Variants in SPOCK1 observed in about 807,000 individuals in gnomAD.
SPOCK1 encodes SPARC (osteonectin), cwcv and kazal like domains proteoglycan 1.
SPOCK1 carries 23 observed loss-of-function variants against 55.3 expected under a neutral mutation model. That is an observed-to-expected ratio of 0.42 (90% CI 0.30 to 0.59). The LOEUF is 0.59. SPOCK1 is among the 20% of genes least tolerant of loss of function. The probability of loss-of-function intolerance (pLI) is 0.22; values close to 1 mark genes in which losing one functional copy is unlikely to be tolerated. For synonymous variants in SPOCK1, 226 were observed against 221.0 expected (o/e 1.02, Z -0.20); for missense variants, 499 against 552.5 (o/e 0.90, Z 0.97).
At chr5:137,127,539 G>T (rs1184341645) in intron 4 of SPOCK1, among the ~76,000 whole-genome samples, 1 of 152,260 alleles carries the variant, frequency 6.6e-6, no homozygotes, top group African/African-American at 2.4e-5. Flanking sequence ...CCCTACCCCA[G>T]TGGGTCTGGA....
intron 7 of SPOCK1, 117 bp from the exon 8 acceptor site, chr5:136,988,760 C>CTGTT: frequency 1.2e-6 from 1 of 827,024 alleles, no homozygotes; most frequent in Non-Finnish European, 1.8e-6. Context: ...CTTCCTGAGG[C>CTGTT]TGTTTCCTTC....
At chr5:137,293,754 C>T (rs530648452) in intron 2 of SPOCK1, among the ~76,000 whole-genome samples, 11 of 152,348 alleles carry the variant, frequency 7.2e-5, no homozygotes, top group Admixed American at 5.2e-4. Flanking sequence ...TGGTGGCTCA[C>T]GCCTGTAATC....
At chr5:137,278,904 A>T (rs1258628634) in intron 2 of SPOCK1, among the ~76,000 whole-genome samples, 1 of 152,110 alleles carries the variant, frequency 6.6e-6, no homozygotes, top group Non-Finnish European at 1.5e-5. Flanking sequence ...TCCTAACCCC[A>T]CTATTGAGGA....
At chr5:137,261,736 T>A (rs1360243522) in intron 3 of SPOCK1, among the ~76,000 whole-genome samples, 1 of 152,214 alleles carries the variant, frequency 6.6e-6, no homozygotes, top group African/African-American at 2.4e-5. Context: ...TCTATACACT[T>A]TATCTAAAGC....
chr5:137,128,989 G>T (rs1489999107), intron 4 of SPOCK1, among the ~76,000 whole-genome samples: 1 of 152,152 alleles, frequency 6.6e-6, no homozygotes, highest in South Asian at 2.1e-4. Context: ...TGGTACAAAA[G>T]TCTGCTTTAA....
intron 4 of SPOCK1, among the ~76,000 whole-genome samples, chr5:137,113,473 A>G (rs1256043445): frequency 6.6e-6 from 1 of 152,220 alleles, no homozygotes; most frequent in East Asian, 1.9e-4. Context: ...GCCTTCCTGC[A>G]TGATGATTAG....
At position 136,978,334 on chromosome 5, in the gene SPOCK1, T is replaced by C; in HGVS notation, c.*320A>G. 2.9e-6 allele frequency: 1 copy of C among 345,132 alleles called. No homozygotes were observed. Among genetic ancestry groups the C allele is most frequent in the Non-Finnish European group, 5.2e-6 (1 of 192,772 alleles). The allele number at this position is 345,132 out of a possible 1,614,324, so 21.4% of individuals were successfully genotyped here. On this transcript the variant is annotated 3_prime_UTR_variant, in exon 11 of 11. Coordinates refer to ENST00000394945, the MANE Select transcript of SPOCK1 (RefSeq NM_004598.4). The stretch of plus-strand genomic sequence containing the variant: ...GACATTTAAGAGGGTTGGGGCTCCC[T>C]GCACTGTCAGAATTCCACGTAAATC...
chr5:137,404,224 T>G (rs1409137487), intron 2 of SPOCK1, among the ~76,000 whole-genome samples: 1 of 152,120 alleles, frequency 6.6e-6, no homozygotes, highest in Non-Finnish European at 1.5e-5. Flanking sequence ...GCACGGCAAG[T>G]GCACACCAGC....
intron 2 of SPOCK1, among the ~76,000 whole-genome samples, chr5:137,271,458 C>G (rs1529816): frequency 0.68 from 102,422 of 150,612 alleles, 35,363 homozygotes; most frequent in African/African-American, 0.77. Flanking sequence ...TATGCCAAGA[C>G]CACTCCACTC....
Position 137,465,659 on chromosome 5 carries a change from G to A in SPOCK1, c.186+32714C>T, listed in dbSNP as rs987318189. Among the ~76,000 whole-genome samples, 5 of 152,220 alleles carry A rather than the reference G, an allele frequency of 3.3e-5. 1 individual carries two copies. Among genetic ancestry groups the A allele is most frequent in the Admixed American group, 3.3e-4 (5 of 15,268 alleles). On this transcript the variant is annotated intron_variant, in intron 2 of 10. Coordinates refer to ENST00000394945, the MANE Select transcript of SPOCK1 (RefSeq NM_004598.4). ...CAACACTTATTTGCAATCTGTGTCT[G>A]TATATGCCAGGTTATTTGGCAATCA...
intron 8 of SPOCK1, among the ~76,000 whole-genome samples, chr5:136,987,470 T>C (rs1049636549): frequency 6.6e-6 from 1 of 152,176 alleles, no homozygotes; most frequent in Non-Finnish European, 1.5e-5. Flanking sequence ...GGTATTCTCA[T>C]ATATCTTTGG....
At chr5:137,211,528 C>T (rs138303403) in intron 3 of SPOCK1, among the ~76,000 whole-genome samples, 1 of 152,320 alleles carries the variant, frequency 6.6e-6, no homozygotes, top group East Asian at 1.9e-4. Context: ...TGGCTTCTAG[C>T]AGGCAGTTCC....
intron 10 of SPOCK1, 30 bp from the exon 11 acceptor site, chr5:136,978,874 G>A: frequency 1.3e-6 from 2 of 1,584,460 alleles, no homozygotes; most frequent in Non-Finnish European, 1.7e-6. Context: ...ATTGAGGTTA[G>A]TTTCCACTTA....
At chr5:137,429,598 C>T (rs1005348504) in intron 2 of SPOCK1, among the ~76,000 whole-genome samples, 1 of 152,214 alleles carries the variant, frequency 6.6e-6, no homozygotes, top group Non-Finnish European at 1.5e-5. Flanking sequence ...TTAGCACATT[C>T]AGCATGCCCA....
chr5:137,187,245 G>T (rs1335521103), intron 3 of SPOCK1, among the ~76,000 whole-genome samples: 1 of 152,118 alleles, frequency 6.6e-6, no homozygotes, highest in Non-Finnish European at 1.5e-5. Context: ...CTGAGCTCCA[G>T]GCTCATCTGT....
At chr5:137,438,961 G>C (rs1252831529) in intron 2 of SPOCK1, among the ~76,000 whole-genome samples, 3 of 152,222 alleles carry the variant, frequency 2.0e-5, no homozygotes, top group Non-Finnish European at 2.9e-5. Flanking sequence ...TGACTTAAGA[G>C]GGTGCAATGC....
chr5:137,108,480 C>T (rs1753407280), intron 5 of SPOCK1, among the ~76,000 whole-genome samples: 1 of 152,132 alleles, frequency 6.6e-6, no homozygotes, highest in African/African-American at 2.4e-5. Flanking sequence ...CAGCAGTGCC[C>T]CTCCCACCAC....
chr5:137,024,322 G>GGGGT (rs1554093492), intron 6 of SPOCK1, among the ~76,000 whole-genome samples: 1 of 144,312 alleles, frequency 6.9e-6, no homozygotes, highest in South Asian at 2.4e-4. Context: ...GAAGGGGGGG[G>GGGGT]GGTAGTTACA....
intron 4 of SPOCK1, among the ~76,000 whole-genome samples, chr5:137,130,695 T>G (rs541286422): frequency 6.6e-6 from 1 of 152,374 alleles, no homozygotes; most frequent in East Asian, 1.9e-4. Context: ...TTCAGGTCAA[T>G]GTCACTGTTC....
Sources: allele counts gnomAD v4.1 joint callset (sites outside exome capture counted in the v4.1 genomes callset), GRCh38; gene constraint gnomAD v4.1.1; transcripts MANE v1.5; gene names NCBI Gene and HGNC (gene_info 2026-07-23, HGNC 2026-07-21).